Variants in USP49 observed in about 807,000 individuals in gnomAD.
USP49 encodes the protein ubiquitin specific peptidase 49.
A neutral mutation model predicts 58.6 loss-of-function variants in USP49; 24 were observed. That is an observed-to-expected ratio of 0.41 (90% CI 0.30 to 0.58). USP49 has a LOEUF of 0.58. Among genes scored for constraint, USP49 ranks in the 20% least tolerant of loss-of-function variants. The pLI, the probability that USP49 is intolerant of heterozygous loss-of-function variation, is 0.30. For synonymous variants in USP49, 408 were observed against 365.1 expected (o/e 1.12, Z -1.34); for missense variants, 703 against 866.1 (o/e 0.81, Z 2.36).
At chr6:41,849,438 C>T (rs1422320778) in intron 3 of USP49, among the ~76,000 whole-genome samples, 1 of 152,124 alleles carries the variant, frequency 6.6e-6, no homozygotes, top group Non-Finnish European at 1.5e-5. Context: ...CAACATTATA[C>T]ACCAAATGGA....
chr6:41,817,423 G>C (rs1434003438), intron 3 of USP49, among the ~76,000 whole-genome samples: 1 of 149,442 alleles, frequency 6.7e-6, no homozygotes, highest in Non-Finnish European at 1.5e-5. Flanking sequence ...TGGGATTACA[G>C]GCATGAGCCA....
chr6:41,886,398 A>G (rs995987533), intron 2 of USP49: 3 of 152,258 alleles, frequency 2.0e-5, no homozygotes, highest in Non-Finnish European at 4.4e-5. Context: ...TATGATCATT[A>G]AGCTATTAGC....
rs70987539 is a variant in USP49 at position 41,870,688 on chromosome 6, A to ATTTT, written c.-29+872_-29+875dup. 7.8e-5 allele frequency among the ~76,000 whole-genome samples: 9 copies of ATTTT among 116,058 alleles called. 1 individual carries two copies. The highest frequency in any genetic ancestry group is 2.5e-4 in the East Asian group (1 of 3,972). 76.1% of individuals were successfully genotyped at this position (116,058 alleles called of 152,430 possible). A position where few individuals can be genotyped will look rare whatever the true frequency, so the allele number is the denominator to read the frequency against. ...AGTAGCTAGCCACCACACCTGGCTAATTTTTTTTTTTTTTTTTGGTAGAGA... is the reference window on the plus strand; with the variant it reads ...AGTAGCTAGCCACCACACCTGGCTAATTTTTTTTTTTTTTTTTTTTTGGTAGAGA... On this transcript the variant is annotated intron_variant, in intron 3 of 7. Coordinates refer to ENST00000682992, the MANE Select transcript of USP49 (RefSeq NM_001286554.2).
At chr6:41,821,678 G>A (rs1773455234) in intron 3 of USP49, among the ~76,000 whole-genome samples, 1 of 152,104 alleles carries the variant, frequency 6.6e-6, no homozygotes, top group Admixed American at 6.5e-5. Flanking sequence ...GGAGGCTGAG[G>A]CAGGAGAATT....
chr6:41,838,216 T>C (rs984199538), intron 3 of USP49, among the ~76,000 whole-genome samples: 1 of 152,236 alleles, frequency 6.6e-6, no homozygotes, highest in Non-Finnish European at 1.5e-5. Flanking sequence ...TGCCCATCAA[T>C]GGCAGACTGG....
intron 1 of USP49, among the ~76,000 whole-genome samples, chr6:41,894,701 T>C (rs375580718): frequency 2.6e-5 from 4 of 151,236 alleles, no homozygotes; most frequent in South Asian, 2.1e-4. Context: ...GCTACGAAGA[T>C]TTCCCCTTCA....
At chr6:41,797,688 A>G (rs918727795) in intron 7 of USP49, 2 of 985,888 alleles carry the variant, frequency 2.0e-6, no homozygotes, top group African/African-American at 1.7e-5. Context: ...AGTGAGATTC[A>G]TACAATATCT....
At chr6:41,890,262 C>T (rs1774788632) in intron 2 of USP49, among the ~76,000 whole-genome samples, 1 of 151,640 alleles carries the variant, frequency 6.6e-6, no homozygotes, top group Admixed American at 6.6e-5. Context: ...GCCTGTAATC[C>T]CAGCTACTAG....
chr6:41,811,443 T>C (rs980510790), intron 3 of USP49, among the ~76,000 whole-genome samples: 1 of 152,144 alleles, frequency 6.6e-6, no homozygotes, highest in Admixed American at 6.5e-5. Context: ...AACTAAACTT[T>C]ATAGGTATGT....
intron 2 of USP49, among the ~76,000 whole-genome samples, chr6:41,876,406 A>G (rs1774505342): frequency 6.6e-6 from 1 of 152,114 alleles, no homozygotes; most frequent in South Asian, 2.1e-4. Flanking sequence ...ATGATCAGCC[A>G]TCTAATTGAA....
chr6:41,852,600 T>C (rs574395655), intron 3 of USP49, among the ~76,000 whole-genome samples: 31 of 152,262 alleles, frequency 2.0e-4, no homozygotes, highest in South Asian at 8.3e-4. Context: ...TGGAAAGATA[T>C]CCATGTTCCT....
At chr6:41,808,336 A>G (rs1344726932) in intron 3 of USP49, among the ~76,000 whole-genome samples, 1 of 152,142 alleles carries the variant, frequency 6.6e-6, no homozygotes, top group Non-Finnish European at 1.5e-5. Context: ...CCCCCTCCCA[A>G]TAATGCTTCT....
In USP49 at chr6:41,793,977, C is replaced by T. The variant is rs2127314154; in HGVS notation, c.*2556G>A. The T allele has an allele frequency of 6.6e-6, 1 of 152,302 alleles. No homozygotes were observed. Among genetic ancestry groups the T allele is most frequent in the South Asian group, 2.1e-4 (1 of 4,828 alleles). The allele number at this position is 152,302 out of a possible 1,614,324, so 9.4% of individuals were successfully genotyped here. On this transcript the variant is annotated 3_prime_UTR_variant, in exon 8 of 8. Transcript: ENST00000682992. ...GTTTTTACCTGGTTCTTATTTTCTT[C>T]TCTTTAGAATGATTCAATTTCAGAT...
At chr6:41,888,601 G>A (rs1774758028) in intron 2 of USP49, among the ~76,000 whole-genome samples, 1 of 151,992 alleles carries the variant, frequency 6.6e-6, no homozygotes, top group South Asian at 2.1e-4. Flanking sequence ...TTACAGGCAT[G>A]CGCCACCACA....
chr6:41,804,733 C>G (rs75038193), intron 4 of USP49, among the ~76,000 whole-genome samples: 4,551 of 152,204 alleles, frequency 0.03, 246 homozygotes, highest in African/African-American at 0.1. Context: ...ACCCACCCCC[C>G]ACCACGTTTT....
rs80169773 is a variant in USP49 at position 41,800,842 on chromosome 6, A to G, written c.1562-904T>C. ...GCATATTCAAACATTTAGAAAATAAACTGTTTTATATTTTTATGCTGTGCG... is the reference window on the plus strand; with the variant it reads ...GCATATTCAAACATTTAGAAAATAAGCTGTTTTATATTTTTATGCTGTGCG... On this transcript the variant is annotated intron_variant, in intron 5 of 7. Transcript: ENST00000682992. 1.2e-4 allele frequency among the ~76,000 whole-genome samples: 19 copies of G among 152,340 alleles called. No individual in the cohort carries two copies. The East Asian group carries it at 3.3e-3, about 26-fold the overall frequency.
At chr6:41,802,508 C>T (rs1488308440) in intron 5 of USP49, among the ~76,000 whole-genome samples, 1 of 124,070 alleles carries the variant, frequency 8.1e-6, no homozygotes, top group African/African-American at 3.2e-5. Flanking sequence ...GCATCTCGCT[C>T]TGTCACCCAG....
intron 3 of USP49, among the ~76,000 whole-genome samples, chr6:41,849,495 A>G (rs944818522): frequency 6.6e-6 from 1 of 152,230 alleles, no homozygotes; most frequent in East Asian, 1.9e-4. Context: ...AGCAGAATAT[A>G]CATTCTTCTC....
intron 3 of USP49, among the ~76,000 whole-genome samples, chr6:41,852,106 A>ACCTG (rs1349548569): frequency 2.0e-5 from 3 of 152,104 alleles, no homozygotes; most frequent in Non-Finnish European, 4.4e-5. Flanking sequence ...AGGGCGGATC[A>ACCTG]CCTGAAGTCA....
Sources: allele counts gnomAD v4.1 joint callset (sites outside exome capture counted in the v4.1 genomes callset), GRCh38; gene constraint gnomAD v4.1.1; transcripts MANE v1.5; gene names NCBI Gene and HGNC (gene_info 2026-07-23, HGNC 2026-07-21).